FGF12: variants seen among roughly 807,000 people sequenced by gnomAD.
FGF12 encodes fibroblast growth factor 12.
In FGF12, 14 loss-of-function variants were observed where a neutral mutation model predicts 23.6. The ratio of observed to expected loss-of-function variants is 0.59; its 90% confidence interval spans 0.39 to 0.93. FGF12 has a LOEUF of 0.93. FGF12 is among the 40% of genes least tolerant of loss of function. The probability of loss-of-function intolerance (pLI) is 0.00; values close to 1 mark genes in which losing one functional copy is unlikely to be tolerated. For missense variants in FGF12, 175 were observed against 217.8 expected (o/e 0.80, Z 1.24); for synonymous variants, 62 against 77.3 (o/e 0.80, Z 1.04).
chr3:192,481,574 C>A (rs1163224332), intron 2 of FGF12, among the ~76,000 whole-genome samples: 1 of 152,196 alleles, frequency 6.6e-6, no homozygotes, highest in Non-Finnish European at 1.5e-5. Context: ...TGTTCAGTGG[C>A]ATCCACACTA....
At chr3:192,558,162 A>T (rs1320866619) in intron 2 of FGF12, among the ~76,000 whole-genome samples, 1 of 151,920 alleles carries the variant, frequency 6.6e-6, no homozygotes, top group Non-Finnish European at 1.5e-5. Context: ...ACATGATTGC[A>T]TATAGAGAAA....
intron 4 of FGF12, among the ~76,000 whole-genome samples, chr3:192,297,173 A>AT (rs1715086602): frequency 6.6e-6 from 1 of 152,186 alleles, no homozygotes. Flanking sequence ...AGAAAAACCT[A>AT]TTTGGTTAGA....
chr3:192,187,842 A>G (rs558283616), intron 4 of FGF12, among the ~76,000 whole-genome samples: 1 of 152,310 alleles, frequency 6.6e-6, no homozygotes, highest in African/African-American at 2.4e-5. Flanking sequence ...AAGGAAAGAA[A>G]AAGGAAGGGA....
chr3:192,612,885 A>G (rs745456105), intron 2 of FGF12, among the ~76,000 whole-genome samples: 5 of 151,888 alleles, frequency 3.3e-5, no homozygotes, highest in Non-Finnish European at 5.9e-5. Flanking sequence ...TTTTTCTTTG[A>G]GATTTAAATT....
chr3:192,203,552 C>A lies in FGF12; in HGVS notation c.229-32896G>T, dbSNP rs1386010720. Among the ~76,000 whole-genome samples the A allele has an allele frequency of 4.7e-5, 7 of 149,176 alleles. No individual in the cohort carries two copies. The East Asian group carries it at 1.4e-3, about 29-fold the overall frequency. On this transcript the variant is annotated intron_variant, in intron 4 of 5. Transcript: ENST00000445105. ...AAATGAGTCAGCTTACAAGCTTACA[C>A]TCTTTTTTCTTTACTTTTTTTTTTT...
chr3:192,480,863 C>T (rs74734938), intron 2 of FGF12, among the ~76,000 whole-genome samples: 3,617 of 152,202 alleles, frequency 0.024, 126 homozygotes, highest in African/African-American at 0.081. Flanking sequence ...TGACATTCAC[C>T]CATTACTATT....
chr3:192,158,346 CTTTCTT>C (rs1403029450), intron 5 of FGF12, among the ~76,000 whole-genome samples: 2 of 93,328 alleles, frequency 2.1e-5, no homozygotes, highest in Non-Finnish European at 4.6e-5. Flanking sequence ...TTCTTTCTTT[CTTTCTT>C]TCTTTCTTTC....
rs544668134 is a variant in FGF12 at position 192,677,793 on chromosome 3, C to A, written c.13+49388G>T. On this transcript the variant is annotated intron_variant, in intron 2 of 5. Coordinates refer to ENST00000445105, the MANE Select transcript of FGF12 (RefSeq NM_004113.6). ...TCTCACACAGAGCTGGTACCCTAAG[C>A]GGACTCCCAGGCATTAGAAGTTCTG... Among the ~76,000 whole-genome samples the A allele has an allele frequency of 5.3e-5, 8 of 152,278 alleles. No individual in the cohort carries two copies. The South Asian group carries it at 1.5e-3, about 28-fold the overall frequency.
At chr3:192,698,964 T>A (rs571188538) in intron 2 of FGF12, among the ~76,000 whole-genome samples, 12 of 152,294 alleles carry the variant, frequency 7.9e-5, no homozygotes, top group Non-Finnish European at 1.5e-4. Flanking sequence ...TTCAGAAAAG[T>A]TCCGTATGTT....
intron 4 of FGF12, among the ~76,000 whole-genome samples, chr3:192,272,476 G>A (rs1446562678): frequency 6.6e-6 from 1 of 152,032 alleles, no homozygotes; most frequent in Non-Finnish European, 1.5e-5. Context: ...GCATGATTAC[G>A]GGGCACAGTT....
chr3:192,177,051 G>T (rs1437698224), intron 4 of FGF12, among the ~76,000 whole-genome samples: 2 of 152,178 alleles, frequency 1.3e-5, no homozygotes, highest in Admixed American at 1.3e-4. Context: ...CAAATGAACA[G>T]AATAGAAAAA....
intron 5 of FGF12, among the ~76,000 whole-genome samples, chr3:192,166,944 AT>A (rs201039874): frequency 2.2e-4 from 34 of 151,868 alleles, no homozygotes; most frequent in African/African-American, 4.3e-4. Flanking sequence ...TTTAGAATGC[AT>A]TTTTTTTCCC....
intron 2 of FGF12, among the ~76,000 whole-genome samples, chr3:192,509,523 C>A (rs1301577985): frequency 6.6e-6 from 1 of 152,166 alleles, no homozygotes; most frequent in East Asian, 1.9e-4. Context: ...AAGGTAATTT[C>A]CACATTTTAG....
chr3:192,715,986 A>G (rs1486927418), intron 2 of FGF12, among the ~76,000 whole-genome samples: 2 of 152,264 alleles, frequency 1.3e-5, no homozygotes, highest in East Asian at 1.9e-4. Flanking sequence ...TGAGAATGCT[A>G]TCCCTGATCC....
intron 4 of FGF12, among the ~76,000 whole-genome samples, chr3:192,321,466 C>T (rs1157467423): frequency 2.0e-5 from 3 of 150,360 alleles, no homozygotes; most frequent in African/African-American, 4.9e-5. Context: ...CCAGTACTAC[C>T]CCTGATACCA....
chr3:192,207,368 T>C (rs868122414), intron 4 of FGF12, among the ~76,000 whole-genome samples: 2 of 152,176 alleles, frequency 1.3e-5, no homozygotes, highest in South Asian at 4.1e-4. Flanking sequence ...TGTGAGCAGA[T>C]TGCTATGACA....
At chr3:192,721,637 A>C (rs891645607) in intron 2 of FGF12, among the ~76,000 whole-genome samples, 4 of 152,198 alleles carry the variant, frequency 2.6e-5, no homozygotes, top group African/African-American at 4.8e-5. Context: ...ACTTAAAAGC[A>C]CAAAAGAAAA....
chr3:192,508,157 G>A (rs148984666), intron 2 of FGF12, among the ~76,000 whole-genome samples: 13 of 152,296 alleles, frequency 8.5e-5, no homozygotes, highest in South Asian at 2.1e-4. Flanking sequence ...CAATGCTATC[G>A]TTTCTATAAA....
chr3:192,179,808 G>T (rs6795020), intron 4 of FGF12, among the ~76,000 whole-genome samples: 1 of 151,802 alleles, frequency 6.6e-6, no homozygotes, highest in African/African-American at 2.4e-5. Flanking sequence ...GGCCTCCCGG[G>T]GTGCTGGGAA....
Sources: gnomAD v4.1 joint callset for allele counts (sites outside exome capture counted in the v4.1 genomes callset) on GRCh38, gnomAD v4.1.1 for gene constraint, MANE v1.5 for transcripts, NCBI Gene and HGNC (gene_info 2026-07-23, HGNC 2026-07-21) for gene names.